Variants in HDAC9 observed in about 807,000 individuals in gnomAD.
HDAC9 encodes histone deacetylase 9, also known as MEF-2 interacting transcription repressor (MITR) protein.
A neutral mutation model predicts 139.4 loss-of-function variants in HDAC9; 41 were observed. That is an observed-to-expected ratio of 0.29 (90% CI 0.23 to 0.38). HDAC9 has a LOEUF of 0.38. Ranked by LOEUF, HDAC9 falls within the 10% of genes least tolerant of loss-of-function variation. HDAC9 has a pLI of 1.00. For synonymous variants in HDAC9, 517 were observed against 476.2 expected (o/e 1.09, Z -1.12); for missense variants, 1,147 against 1,297.0 (o/e 0.88, Z 1.78).
chr7:18,491,692 T>G (rs183461735), upstream of HDAC9, among the ~76,000 whole-genome samples: 1 of 152,122 alleles, frequency 6.6e-6, no homozygotes, highest in Admixed American at 6.6e-5. Flanking sequence ...GTCAACGTTG[T>G]GATAATGCAG....
intron 12 of HDAC9, among the ~76,000 whole-genome samples, chr7:18,710,173 A>G (rs1408139726): frequency 6.6e-6 from 1 of 152,152 alleles, no homozygotes; most frequent in Non-Finnish European, 1.5e-5. Context: ...TATCATGAGA[A>G]CAGCATGGAA....
intron 2 of HDAC9, among the ~76,000 whole-genome samples, chr7:18,236,566 A>C (rs1399924604): frequency 6.6e-6 from 1 of 152,210 alleles, no homozygotes; most frequent in Admixed American, 6.5e-5. Context: ...GTTACACATC[A>C]TACACACCTG....
chr7:18,463,314 C>T (rs1794006727), intron 1 of HDAC9, among the ~76,000 whole-genome samples: 1 of 151,860 alleles, frequency 6.6e-6, no homozygotes, highest in Non-Finnish European at 1.5e-5. Flanking sequence ...GTTATTTCTT[C>T]CTTAAAGTTT....
At chr7:18,286,277 A>G (rs1466047713), upstream of HDAC9, among the ~76,000 whole-genome samples, 2 of 151,938 alleles carry the variant, frequency 1.3e-5, no homozygotes, top group South Asian at 4.1e-4. Flanking sequence ...TAAAAATTGT[A>G]TCATCATTAT....
At chr7:18,487,455 A>G (rs1218430773) in intron 1 of HDAC9, among the ~76,000 whole-genome samples, 3 of 152,098 alleles carry the variant, frequency 2.0e-5, no homozygotes, top group Non-Finnish European at 4.4e-5. Context: ...GGTGGTTGTC[A>G]AAACTTGAAT....
intron 23 of HDAC9, among the ~76,000 whole-genome samples, chr7:18,939,938 T>C (rs1781910148): frequency 6.6e-6 from 1 of 152,188 alleles, no homozygotes; most frequent in African/African-American, 2.4e-5. Context: ...AAGAGGGGCC[T>C]TTCTGAGGGC....
intron 16 of HDAC9, among the ~76,000 whole-genome samples, chr7:18,788,788 A>G (rs1409819120): frequency 6.6e-6 from 1 of 151,550 alleles, no homozygotes; most frequent in Middle Eastern, 3.2e-3. Flanking sequence ...ATATCAACCA[A>G]AGTGAAGGCT....
intron 2 of HDAC9, among the ~76,000 whole-genome samples, chr7:18,205,539 A>G (rs1468792850): frequency 2.0e-5 from 3 of 152,106 alleles, no homozygotes; most frequent in Non-Finnish European, 2.9e-5. Flanking sequence ...AAGCACTGAT[A>G]GCACCGAGGT....
At chr7:18,759,839 T>G (rs1789222416) in intron 14 of HDAC9, among the ~76,000 whole-genome samples, 1 of 152,118 alleles carries the variant, frequency 6.6e-6, no homozygotes, top group Non-Finnish European at 1.5e-5. Context: ...TAAGCAAAGG[T>G]GTTGGACAAG....
chr7:18,382,707 T>C (rs947053190), intron 1 of HDAC9, among the ~76,000 whole-genome samples: 2 of 152,164 alleles, frequency 1.3e-5, no homozygotes, highest in African/African-American at 2.4e-5. Flanking sequence ...TTATTAGAAA[T>C]GACATGAAGG....
intron 2 of HDAC9, chr7:18,578,298 G>GT (rs1826667200): frequency 2.8e-5 from 14 of 505,546 alleles, no homozygotes; most frequent in Middle Eastern, 3.2e-4. Context: ...CCTGCTATTC[G>GT]TAACGACCCC....
chr7:18,247,721 T>C (rs1265796969), intron 2 of HDAC9, among the ~76,000 whole-genome samples: 1 of 152,198 alleles, frequency 6.6e-6, no homozygotes, highest in Non-Finnish European at 1.5e-5. Context: ...CTTTGCAAAA[T>C]ATTGTCTCAG....
intron 12 of HDAC9, among the ~76,000 whole-genome samples, chr7:18,695,092 G>A (rs1171521916): frequency 6.6e-6 from 1 of 152,144 alleles, no homozygotes; most frequent in Non-Finnish European, 1.5e-5. Context: ...AACAATTAAA[G>A]TTACACACTT....
chr7:18,744,338 A>C (rs1787744477), intron 13 of HDAC9, among the ~76,000 whole-genome samples: 1 of 152,140 alleles, frequency 6.6e-6, no homozygotes, highest in African/African-American at 2.4e-5. Context: ...AAGCTGCTAG[A>C]ATCTGGAACA....
intron 21 of HDAC9, among the ~76,000 whole-genome samples, chr7:18,868,790 TTC>T (rs1019951557): frequency 6.6e-6 from 1 of 152,136 alleles, no homozygotes; most frequent in African/African-American, 2.4e-5. Context: ...GACTCTACTC[TTC>T]CCACCCTTCT....
chr7:18,763,834 A>G (rs1453926825), intron 15 of HDAC9, among the ~76,000 whole-genome samples: 1 of 152,086 alleles, frequency 6.6e-6, no homozygotes, highest in African/African-American at 2.4e-5. Context: ...CTTTTTAAAA[A>G]TCTCTGGTCC....
At chr7:18,478,867 A>AT in intron 1 of HDAC9, among the ~76,000 whole-genome samples, 1 of 152,146 alleles carries the variant, frequency 6.6e-6, no homozygotes, top group Admixed American at 6.5e-5. Flanking sequence ...TTAATTTTCA[A>AT]TTTTCTGATT....
At chr7:18,457,922 G>A (rs757835437) in intron 1 of HDAC9, among the ~76,000 whole-genome samples, 2 of 152,086 alleles carry the variant, frequency 1.3e-5, no homozygotes, top group South Asian at 2.1e-4. Context: ...AAGCACACAC[G>A]TGTATGCAAA....
chr7:18,451,564 T>G (rs1220113469), intron 1 of HDAC9, among the ~76,000 whole-genome samples: 1 of 151,922 alleles, frequency 6.6e-6, no homozygotes, highest in Non-Finnish European at 1.5e-5. Flanking sequence ...AGTACAGATC[T>G]GACATGTGGA....
Sources: allele counts gnomAD v4.1 joint callset (sites outside exome capture counted in the v4.1 genomes callset), GRCh38; gene constraint gnomAD v4.1.1; transcripts MANE v1.5; gene names NCBI Gene and HGNC (gene_info 2026-07-23, HGNC 2026-07-21).